Variants in WNK2 observed in about 807,000 individuals in gnomAD.
WNK2 encodes the protein WNK lysine deficient protein kinase 2.
In WNK2, 67 loss-of-function variants were observed where a neutral mutation model predicts 192.1. The ratio of observed to expected loss-of-function variants is 0.35; its 90% confidence interval spans 0.29 to 0.43. WNK2 has a LOEUF of 0.43. Among genes scored for constraint, WNK2 ranks in the 20% least tolerant of loss-of-function variants. The pLI is 1.00. For missense variants in WNK2, 2,698 were observed against 3,089.7 expected, an observed-to-expected ratio of 0.87 and a Z score of 3.01; for synonymous variants, 1,439 against 1,393.9, an observed-to-expected ratio of 1.03 and a Z score of -0.72.
chr9:93,250,438 T>A (rs1457546382), intron 8 of WNK2, among the ~76,000 whole-genome samples: 1 of 152,256 alleles, frequency 6.6e-6, no homozygotes, highest in Non-Finnish European at 1.5e-5. Context: ...TGTACACCCT[T>A]ATCCCCTTCT....
intron 8 of WNK2, among the ~76,000 whole-genome samples, 175 bp downstream of exon 8, chr9:93,248,009 G>A (rs1318659262): frequency 6.6e-6 from 1 of 152,266 alleles, no homozygotes; most frequent in South Asian, 2.1e-4. Flanking sequence ...CTGTCCTCAC[G>A]TAGCGTGGGT....
intron 2 of WNK2, among the ~76,000 whole-genome samples, chr9:93,199,477 C>T (rs1025617256): frequency 5.9e-5 from 9 of 152,220 alleles, no homozygotes; most frequent in Non-Finnish European, 1.2e-4. Flanking sequence ...GTTAGGCAAC[C>T]ATCTTCCTGG....
At chr9:93,274,033 G>A (rs889668454) in intron 19 of WNK2, among the ~76,000 whole-genome samples, 5 of 152,056 alleles carry the variant, frequency 3.3e-5, no homozygotes, top group African/African-American at 1.2e-4. Context: ...TCTACCTTAA[G>A]AAACAAGGAA....
chr9:93,201,561 G>A (rs796304699), intron 2 of WNK2, among the ~76,000 whole-genome samples: 33 of 152,358 alleles, frequency 2.2e-4, no homozygotes, highest in African/African-American at 7.9e-4. Context: ...ACTGTGTGCA[G>A]AAAACTAGTA....
chr9:93,283,157 A>C (rs1847973677), intron 19 of WNK2, among the ~76,000 whole-genome samples: 1 of 152,246 alleles, frequency 6.6e-6, no homozygotes. Context: ...TGCAGTTAAC[A>C]GCATATTGAG....
intron 2 of WNK2, among the ~76,000 whole-genome samples, chr9:93,221,345 C>G (rs543514478): frequency 6.6e-6 from 1 of 152,152 alleles, no homozygotes; most frequent in Non-Finnish European, 1.5e-5. Flanking sequence ...CAGCTTGTCC[C>G]GGGGAAGGAC....
At position 93,267,727 on chromosome 9, in the gene WNK2, G is replaced by C; in HGVS notation, c.3697-19G>C. ...TTGGCCTTGCAGCTGGTCCTCACTG[G>C]CAGTATGTCCCTTTGCAGGTGGAGC... On this transcript the variant is annotated intron_variant, in intron 16 of 29. Transcript: ENST00000427277. The C allele has an allele frequency of 6.4e-7, 1 of 1,555,984 alleles. No individual in the cohort carries two copies. Among genetic ancestry groups the C allele is most frequent in the Non-Finnish European group, 8.7e-7 (1 of 1,147,450 alleles).
In WNK2 at chr9:93,208,188, G is replaced by C. The variant is rs189296259; in HGVS notation, c.682-21508G>C. Among the ~76,000 whole-genome samples, 9 of 152,368 alleles carry C rather than the reference G, an allele frequency of 5.9e-5. No homozygotes were observed. The East Asian group carries it at 1.5e-3, about 26-fold the overall frequency. On this transcript the variant is annotated intron_variant, in intron 2 of 29. Coordinates refer to ENST00000427277, the MANE Select transcript of WNK2 (RefSeq NM_006648.4). ...CCCCAGGTCCAAATTACTGGCTTTGGAGATGGGTGTCCCTTGTTACACCAC... is the reference window on the plus strand; with the variant it reads ...CCCCAGGTCCAAATTACTGGCTTTGCAGATGGGTGTCCCTTGTTACACCAC...
intron 28 of WNK2, among the ~76,000 whole-genome samples, chr9:93,310,856 C>T (rs1031673652): frequency 3.3e-5 from 5 of 152,118 alleles, no homozygotes; most frequent in Admixed American, 6.5e-5. Flanking sequence ...CCCAGCCACC[C>T]GGGAGGCTGA....
chr9:93,259,573 C>G lies in WNK2; in HGVS notation c.3025C>G (p.Leu1009Val). Residue 1009 changes from leucine to valine, a missense_variant, in exon 12 of 30, where the codon CTT becomes GTT. By Grantham distance (32) the Leu-to-Val change is conservative (BLOSUM62 1). This residue lies in a region of WNK2 where 893 missense variants were observed against 909.0 expected (regional missense o/e 0.98). Coordinates refer to ENST00000427277, the MANE Select transcript of WNK2 (RefSeq NM_006648.4). The surrounding 1 kb of genome is among the most constrained non-coding windows in gnomAD (Gnocchi z 4.8). ...GCGCCCTGAGCCCCTCCAGCCCCAC[C>G]TTCCTGAACAAGCTGCTCCAGCTGC... ...PVRPEPLQPH[L>V]PEQAAPAATP... The G allele has an allele frequency of 8.8e-6, 14 of 1,594,282 alleles. No individual in the cohort carries two copies. Among genetic ancestry groups the G allele is most frequent in the Non-Finnish European group, 1.1e-5 (13 of 1,177,182 alleles).
intron 21 of WNK2, among the ~76,000 whole-genome samples, chr9:93,291,775 A>G (rs771017087): frequency 4.1e-4 from 63 of 152,174 alleles, no homozygotes; most frequent in Non-Finnish European, 8.1e-4. Context: ...CGAGGCCCCC[A>G]TGTCAGCTTG....
At chr9:93,243,453 G>A (rs183231436) in intron 7 of WNK2, among the ~76,000 whole-genome samples, 201 of 152,288 alleles carry the variant, frequency 1.3e-3, no homozygotes, top group Admixed American at 2.9e-3. Context: ...CCCTTGGCCC[G>A]AGCACCTTCA....
At chr9:93,254,330 G>C (rs549622486) in intron 9 of WNK2, among the ~76,000 whole-genome samples, 49 of 152,328 alleles carry the variant, frequency 3.2e-4, no homozygotes, top group African/African-American at 1.2e-3. Context: ...TTCTTCCCTC[G>C]TGAGCAGCTC....
Position 93,311,156 on chromosome 9 carries a change from G to A in WNK2, c.6516+2572G>A, listed in dbSNP as rs138777323. Reference sequence around the variant, plus strand: ...TGTACCTCATAGAGTGGAATCACACGGTATCTGTCTTTTTCCACTGGCTTA... The same window carrying A: ...TGTACCTCATAGAGTGGAATCACACAGTATCTGTCTTTTTCCACTGGCTTA... On this transcript the variant is annotated intron_variant, in intron 28 of 29. Coordinates refer to ENST00000427277, the MANE Select transcript of WNK2 (RefSeq NM_006648.4). Among the ~76,000 whole-genome samples the A allele has an allele frequency of 5.2e-3, 794 of 152,220 alleles. 3 individuals are homozygous for A. The highest frequency in any genetic ancestry group is 0.014 in the African/African-American group (580 of 41,504).
chr9:93,317,199 G>T, intron 28 of WNK2: 1 of 463,518 alleles, frequency 2.2e-6, no homozygotes, highest in Non-Finnish European at 3.9e-6. Context: ...TGGCTGAGTA[G>T]AGGCATGTGG....
intron 2 of WNK2, among the ~76,000 whole-genome samples, chr9:93,196,163 C>T (rs1177139020): frequency 6.6e-6 from 1 of 152,158 alleles, no homozygotes; most frequent in East Asian, 1.9e-4. Context: ...CCAGGACTGG[C>T]TCTGGGGAGG....
chr9:93,209,675 G>A (rs964833487), intron 2 of WNK2, among the ~76,000 whole-genome samples: 12 of 152,220 alleles, frequency 7.9e-5, no homozygotes, highest in Non-Finnish European at 1.5e-4. Flanking sequence ...GCAATGTGGT[G>A]GAAGGGGACT....
In WNK2 at chr9:93,239,808, C is replaced by A; in HGVS notation, c.1374C>A (p.Gly458=). The A allele has an allele frequency of 6.3e-7, 1 of 1,578,634 alleles. No individual in the cohort carries two copies. Among genetic ancestry groups the A allele is most frequent in the Non-Finnish European group, 8.6e-7 (1 of 1,162,740 alleles). The part of the protein sequence containing the change: ...LSHAFFAEDT[G]VRVELAEEDH... ...ACGCCTTCTTCGCAGAGGACACAGG[C>A]GTGAGGGTGGAGCTCGCGGAGGAGG... is the stretch of plus-strand genomic sequence containing the variant. Residue 458 remains glycine (G), a synonymous_variant, in exon 7 of 30, where the codon GGC becomes GGA. Coordinates refer to ENST00000427277, the MANE Select transcript of WNK2 (RefSeq NM_006648.4). This position sits in a 1 kb window ranked among gnomAD's most constrained non-coding sequence, Gnocchi z 4.2.
chr9:93,288,961 A>G lies in WNK2; in HGVS notation c.4207A>G (p.Thr1403Ala). The change falls in exon 20 of 30, where the codon ACC becomes GCC. Residue 1403 changes from threonine (T) to alanine (A), a missense_variant. Thr to Ala is a moderately conservative substitution (Grantham distance 58). Around this residue, in one of 7 missense-constraint regions of WNK2, gnomAD observed 1,098 missense variants for 1,101.0 expected, o/e 1.00. Transcript: ENST00000427277. ...GCCCCAAGATGGAGCAGCTCCAGCC[A>G]CCAGCACCATGCCAGAGCCAGCGTC... Reference protein sequence around the residue: ...ALPQDGAAPATSTMPEPASGT... With the variant: ...ALPQDGAAPAASTMPEPASGT... 6.2e-7 allele frequency: 1 copy of G among 1,604,382 alleles called. No individual in the cohort carries two copies. Among genetic ancestry groups the G allele is most frequent in the South Asian group, 1.1e-5 (1 of 89,584 alleles).
Sources: allele counts gnomAD v4.1 joint callset (sites outside exome capture counted in the v4.1 genomes callset), GRCh38; gene constraint gnomAD v4.1.1; regional missense constraint gnomAD v4.1.1; non-coding constraint Gnocchi (gnomAD v3.1); transcripts MANE v1.5; gene names NCBI Gene and HGNC (gene_info 2026-07-23, HGNC 2026-07-21).